The following HCN1 variants were observed in gnomAD, a reference collection of about 807,000 sequenced individuals.
HCN1 encodes the protein potassium/sodium hyperpolarization-activated cyclic nucleotide-gated channel 1.
Under a neutral mutation model 78.9 loss-of-function variants are expected in HCN1, and 13 were observed. The ratio of observed to expected loss-of-function variants is 0.16; its 90% CI spans 0.11 to 0.26. The LOEUF (loss-of-function observed/expected upper bound fraction) is 0.26. HCN1 is among the 10% of genes least tolerant of loss of function. The probability of loss-of-function intolerance (pLI) is 1.00; values close to 1 mark genes in which losing one functional copy is unlikely to be tolerated. For missense variants in HCN1, 810 were observed against 1,154.3 expected (o/e 0.70, Z 4.32); for synonymous variants, 552 against 455.5 (o/e 1.21, Z -2.70).
intron 4 of HCN1, among the ~76,000 whole-genome samples, chr5:45,354,021 C>T (rs1488357843): frequency 6.6e-6 from 1 of 151,724 alleles, no homozygotes; most frequent in Non-Finnish European, 1.5e-5. Context: ...TATATTTATA[C>T]ACACATGCGC....
intron 6 of HCN1, among the ~76,000 whole-genome samples, chr5:45,303,060 T>C (rs569607603): frequency 1.3e-5 from 2 of 152,098 alleles, no homozygotes; most frequent in Non-Finnish European, 2.9e-5. Context: ...TAAATTGCCA[T>C]CTAACTACAG....
rs1743387637 is a variant in HCN1, at chr5:45,552,439, T to C, written c.850-90432A>G. On this transcript the variant is annotated intron_variant, in intron 2 of 7. Coordinates refer to ENST00000303230, the MANE Select transcript of HCN1 (RefSeq NM_021072.4). ...GCAGTGCAGCAATATAATGCAACTGTGGAACAAAAAACTTATCATGTCCAC... is the reference window on the plus strand; with the variant it reads ...GCAGTGCAGCAATATAATGCAACTGCGGAACAAAAAACTTATCATGTCCAC... Among the ~76,000 whole-genome samples, 3 of 152,064 alleles carry C rather than the reference T, an allele frequency of 2.0e-5. No individual in the cohort carries two copies. In the South Asian group the frequency reaches 6.2e-4, roughly 32 times the overall value.
intron 2 of HCN1, among the ~76,000 whole-genome samples, chr5:45,544,964 A>T (rs1478690625): frequency 1.3e-5 from 2 of 152,124 alleles, no homozygotes; most frequent in Admixed American, 6.5e-5. Context: ...GGTATATACC[A>T]GTAATGGGAT....
chr5:45,347,690 G>A (rs544628700), intron 5 of HCN1, among the ~76,000 whole-genome samples: 69 of 152,264 alleles, frequency 4.5e-4, no homozygotes, highest in African/African-American at 1.5e-3. Context: ...GGAGCTGAAA[G>A]CCAAGGCTCG....
intron 2 of HCN1, among the ~76,000 whole-genome samples, chr5:45,501,353 AT>A (rs1742181286): frequency 1.3e-5 from 2 of 152,140 alleles, no homozygotes; most frequent in Admixed American, 1.3e-4. Context: ...TTAATGTTAC[AT>A]TTATTTTCCT....
At chr5:45,582,062 T>G (rs545227860) in intron 2 of HCN1, among the ~76,000 whole-genome samples, 2 of 152,142 alleles carry the variant, frequency 1.3e-5, no homozygotes, top group African/African-American at 2.4e-5. Context: ...GTGAAGAAAG[T>G]CATTGGTAGC....
chr5:45,399,995 C>T (rs1419601369), intron 3 of HCN1, among the ~76,000 whole-genome samples: 1 of 152,010 alleles, frequency 6.6e-6, no homozygotes, highest in Admixed American at 6.6e-5. Context: ...GTATAATACT[C>T]AGAAATACAT....
chr5:45,640,776 T>C (rs1469747129), intron 2 of HCN1, among the ~76,000 whole-genome samples: 2 of 151,122 alleles, frequency 1.3e-5, no homozygotes, highest in South Asian at 2.1e-4. Context: ...GGTTTCACCA[T>C]GTTGGCCAGG....
At chr5:45,685,866 T>G (rs760279102) in intron 1 of HCN1, among the ~76,000 whole-genome samples, 1 of 152,120 alleles carries the variant, frequency 6.6e-6, no homozygotes, top group Non-Finnish European at 1.5e-5. Flanking sequence ...TACATGGCCA[T>G]TCCTTCATAT....
chr5:45,600,996 A>T (rs79972056), intron 2 of HCN1, among the ~76,000 whole-genome samples: 1 of 152,186 alleles, frequency 6.6e-6, no homozygotes, highest in Non-Finnish European at 1.5e-5. Flanking sequence ...TAGGATTGAA[A>T]TATAAAGGAT....
chr5:45,394,600 C>A (rs1019944963), intron 4 of HCN1, among the ~76,000 whole-genome samples: 1 of 152,110 alleles, frequency 6.6e-6, no homozygotes, highest in Non-Finnish European at 1.5e-5. Flanking sequence ...GAGTACAGAA[C>A]TTTAGAACTA....
At chr5:45,420,303 A>G (rs2112066375) in intron 3 of HCN1, among the ~76,000 whole-genome samples, 1 of 152,198 alleles carries the variant, frequency 6.6e-6, no homozygotes, top group Admixed American at 6.5e-5. Context: ...GAACCCCCCA[A>G]AATTTGGGGT....
chr5:45,527,479 C>T (rs1225460402), intron 2 of HCN1, among the ~76,000 whole-genome samples: 2 of 151,574 alleles, frequency 1.3e-5, no homozygotes, highest in African/African-American at 2.4e-5. Flanking sequence ...ACTTGGGTTT[C>T]AGTTGTCTAT....
chr5:45,416,326 A>G (rs1740118048), intron 3 of HCN1, among the ~76,000 whole-genome samples: 1 of 151,982 alleles, frequency 6.6e-6, no homozygotes, highest in South Asian at 2.1e-4. Context: ...ACAATGATAT[A>G]TTTATGCTTT....
At chr5:45,323,592 T>G (rs1746171838) in intron 5 of HCN1, among the ~76,000 whole-genome samples, 1 of 152,080 alleles carries the variant, frequency 6.6e-6, no homozygotes, top group Non-Finnish European at 1.5e-5. Flanking sequence ...TACTTTAAGT[T>G]TTACAGTACA....
intron 2 of HCN1, among the ~76,000 whole-genome samples, chr5:45,623,993 A>C (rs888546798): frequency 1.3e-5 from 2 of 152,196 alleles, no homozygotes; most frequent in Non-Finnish European, 2.9e-5. Context: ...AACTCATATA[A>C]AAACCATGAG....
intron 2 of HCN1, among the ~76,000 whole-genome samples, chr5:45,577,103 C>T (rs17344557): frequency 0.072 from 10,916 of 152,086 alleles, 573 homozygotes; most frequent in Middle Eastern, 0.15. Flanking sequence ...ATTACTCTCA[C>T]TACAAAGGCA....
chr5:45,318,076 A>T (rs1270478096), intron 5 of HCN1, among the ~76,000 whole-genome samples: 2 of 152,218 alleles, frequency 1.3e-5, no homozygotes, highest in Admixed American at 1.3e-4. Context: ...TATATACTCA[A>T]AGGATTATAA....
At chr5:45,518,519 GC>G (rs1742555364) in intron 2 of HCN1, among the ~76,000 whole-genome samples, 1 of 151,950 alleles carries the variant, frequency 6.6e-6, no homozygotes, top group Non-Finnish European at 1.5e-5. Flanking sequence ...AATAAGATAA[GC>G]AGGTTATATT....
Sources: allele counts gnomAD v4.1 joint callset (sites outside exome capture counted in the v4.1 genomes callset), GRCh38; gene constraint gnomAD v4.1.1; transcripts MANE v1.5; gene names NCBI Gene and HGNC (gene_info 2026-07-23, HGNC 2026-07-21).